The following ABCC1 variants were observed in gnomAD, a reference collection of about 807,000 sequenced individuals.
ABCC1 encodes multidrug resistance-associated protein 1.
In ABCC1, 83 loss-of-function variants were observed where a neutral mutation model predicts 172.9. The observed-to-expected ratio is 0.48, with a 90% CI of 0.40 to 0.58. The LOEUF (loss-of-function observed/expected upper bound fraction) is 0.58, where lower values mean the gene tolerates loss of function less well. Ranked by LOEUF, ABCC1 falls within the 20% of genes least tolerant of loss-of-function variation. ABCC1 has a pLI of 0.00. For missense variants in ABCC1, 1,817 were observed against 2,002.7 expected (o/e 0.91, Z 1.77); for synonymous variants, 937 against 825.2 (o/e 1.14, Z -2.32).
chr16:16,114,755 AG>A lies in ABCC1; in HGVS notation c.3080-10del. 6.3e-7 allele frequency: 1 copy of A among 1,580,018 alleles called. No individual in the cohort carries two copies. Among genetic ancestry groups the A allele is most frequent in the Non-Finnish European group, 8.6e-7 (1 of 1,156,958 alleles). On this transcript the variant is annotated splice_polypyrimidine_tract_variant and intron_variant, in intron 22 of 30. Coordinates refer to ENST00000399410, the MANE Select transcript of ABCC1 (RefSeq NM_004996.4). Reference sequence around the variant, plus strand: ...TCTGCATTGTGGAGTTTTAACTCCGAGTGTCTGCAGGGATCGCCGTGTTTGG... The same window carrying A: ...TCTGCATTGTGGAGTTTTAACTCCGATGTCTGCAGGGATCGCCGTGTTTGG...
At chr16:15,989,312 C>T (rs939520098) in intron 1 of ABCC1, among the ~76,000 whole-genome samples, 1 of 152,290 alleles carries the variant, frequency 6.6e-6, no homozygotes, top group East Asian at 1.9e-4. Flanking sequence ...GGGCGCGTCA[C>T]TGCCCACGCG....
chr16:16,066,778 C>T (rs1376856453), intron 12 of ABCC1, among the ~76,000 whole-genome samples: 2 of 151,782 alleles, frequency 1.3e-5, no homozygotes, highest in Middle Eastern at 3.2e-3. Context: ...GTGGTGGGCG[C>T]CTATAATCCC....
chr16:15,988,076 G>A (rs1040797070), intron 1 of ABCC1, among the ~76,000 whole-genome samples: 3 of 152,152 alleles, frequency 2.0e-5, no homozygotes, highest in Non-Finnish European at 2.9e-5. Context: ...TCGTGCCTCA[G>A]CCTCCTGAGT....
chr16:16,138,590 T>C, intron 30 of ABCC1, 32 bp downstream of exon 30: 1 of 1,505,206 alleles, frequency 6.6e-7, no homozygotes, highest in Non-Finnish European at 9.0e-7. Flanking sequence ...CCTCTAGGCT[T>C]TGGGAGTTTG....
Position 16,045,744 on chromosome 16 carries a change from T to G in ABCC1, c.1041-92T>G, listed in dbSNP as rs1313963041. 3.9e-6 allele frequency: 5 copies of G among 1,272,616 alleles called. No individual in the cohort carries two copies. In the East Asian group the frequency reaches 1.2e-4, roughly 31 times the overall value. The allele number at this position is 1,272,616 out of a possible 1,614,324, so 78.8% of individuals were successfully genotyped here. A position where few individuals can be genotyped will look rare whatever the true frequency, so the allele number is the denominator to read the frequency against. ...AGTGATAGTGTCTAGCTCATCTGGC[T>G]CAGGAGAAAGTTGCAGTGCCAACAC... On this transcript the variant is annotated intron_variant, in intron 8 of 30. Transcript: ENST00000399410.
intron 28 of ABCC1, among the ~76,000 whole-genome samples, chr16:16,136,235 G>A (rs1000264807): frequency 1.3e-5 from 2 of 152,040 alleles, no homozygotes; most frequent in African/African-American, 4.8e-5. Flanking sequence ...TGTTGGCCAG[G>A]CTGGTCTCGA....
At chr16:15,984,776 A>G (rs1190690566) in intron 1 of ABCC1, among the ~76,000 whole-genome samples, 3 of 152,190 alleles carry the variant, frequency 2.0e-5, no homozygotes, top group Non-Finnish European at 2.9e-5. Context: ...ATGCACACGC[A>G]TGCATACGTA....
intron 27 of ABCC1, among the ~76,000 whole-genome samples, chr16:16,132,778 T>C: frequency 6.6e-6 from 1 of 151,342 alleles, no homozygotes; most frequent in East Asian, 2.0e-4. Context: ...CGCCTCAGCC[T>C]CCCCAAGTGC....
intron 12 of ABCC1, among the ~76,000 whole-genome samples, chr16:16,059,210 G>A (rs1038432840): frequency 6.6e-6 from 1 of 152,268 alleles, no homozygotes; most frequent in South Asian, 2.1e-4. Flanking sequence ...CCACTGAAAC[G>A]GAATCTGAGT....
At chr16:16,138,758 G>A (rs2046016128) in intron 30 of ABCC1, among the ~76,000 whole-genome samples, 200 bp downstream of exon 30, 1 of 137,296 alleles carries the variant, frequency 7.3e-6, no homozygotes, top group African/African-American at 2.8e-5. Flanking sequence ...CTTCATCTCT[G>A]GAGTGCAGTG....
At chr16:16,082,055 A>C (rs554981767) in intron 16 of ABCC1, among the ~76,000 whole-genome samples, 1 of 152,052 alleles carries the variant, frequency 6.6e-6, no homozygotes, top group Non-Finnish European at 1.5e-5. Flanking sequence ...CCCTCTGATA[A>C]AGCCCATGCT....
intron 6 of ABCC1, among the ~76,000 whole-genome samples, chr16:16,033,961 C>T (rs1038606322): frequency 4.7e-5 from 7 of 149,164 alleles, no homozygotes; most frequent in Admixed American, 2.0e-4. Flanking sequence ...TTTTTCTGCC[C>T]GTTGTTAACA....
chr16:16,019,097 T>C (rs1245945931), intron 5 of ABCC1, among the ~76,000 whole-genome samples: 1 of 152,070 alleles, frequency 6.6e-6, no homozygotes, highest in Non-Finnish European at 1.5e-5. Flanking sequence ...GTTTGTTGTT[T>C]TTTTCTGTTG....
chr16:16,143,031 G>A lies in ABCC1; in HGVS notation c.*1750G>A, dbSNP rs1038183709. 6.6e-6 allele frequency: 1 copy of A among 151,750 alleles called. No homozygotes were observed. The highest frequency in any genetic ancestry group is 6.6e-5 in the Admixed American group (1 of 15,258). The allele number at this position is 151,750 out of a possible 1,614,324, so 9.4% of individuals were successfully genotyped here. A position where few individuals can be genotyped will look rare whatever the true frequency, so the allele number is the denominator to read the frequency against. On this transcript the variant is annotated 3_prime_UTR_variant, in exon 31 of 31. Coordinates refer to ENST00000399410, the MANE Select transcript of ABCC1 (RefSeq NM_004996.4). The stretch of plus-strand genomic sequence containing the variant: ...TACACTGGAAATGCGAACATTTGCA[G>A]TAAAAAAATATATATATATCTATAT...
chr16:16,090,638 A>AG, intron 19 of ABCC1, 50 bp downstream of exon 19: 1 of 1,503,298 alleles, frequency 6.7e-7, no homozygotes, highest in Non-Finnish European at 8.9e-7. Context: ...GGCACCTTGA[A>AG]GGGCCACATT....
Position 15,972,331 on chromosome 16 carries a change from A to T in ABCC1, c.48+22532A>T, listed in dbSNP as rs138907591. Reference sequence around the variant, plus strand: ...GCATCTGGCTTCAAGAAACAGCCCTACTTCAGCAGCCTAAGCAGAAAGGTA... The same window carrying T: ...GCATCTGGCTTCAAGAAACAGCCCTTCTTCAGCAGCCTAAGCAGAAAGGTA... On this transcript the variant is annotated intron_variant, in intron 1 of 30. Transcript: ENST00000399410. 1.8e-4 allele frequency among the ~76,000 whole-genome samples: 28 copies of T among 152,240 alleles called. No homozygotes were observed. The East Asian group carries it at 4.8e-3, about 26-fold the overall frequency.
intron 20 of ABCC1, among the ~76,000 whole-genome samples, chr16:16,104,397 AC>A (rs946461735): frequency 1.3e-5 from 2 of 152,156 alleles, no homozygotes; most frequent in Non-Finnish European, 2.9e-5. Context: ...TGAGCTAGAT[AC>A]GTAAGTTCCC....
intron 24 of ABCC1, among the ~76,000 whole-genome samples, chr16:16,123,363 G>C (rs1345081683): frequency 2.6e-5 from 4 of 151,914 alleles, no homozygotes; most frequent in African/African-American, 9.7e-5. Context: ...GGCCAGGCGC[G>C]GTGGCTCACA....
chr16:16,010,270 G>A (rs1414492722), intron 3 of ABCC1, among the ~76,000 whole-genome samples: 2 of 151,888 alleles, frequency 1.3e-5, no homozygotes, highest in African/African-American at 4.8e-5. Flanking sequence ...GTCTAGGCTG[G>A]TCTTAGACTC....
Sources: gnomAD v4.1 joint callset for allele counts (sites outside exome capture counted in the v4.1 genomes callset) on GRCh38, gnomAD v4.1.1 for gene constraint, MANE v1.5 for transcripts, NCBI Gene and HGNC (gene_info 2026-07-23, HGNC 2026-07-21) for gene names.